NFIC: variants seen among roughly 807,000 people sequenced by gnomAD.
NFIC encodes the protein nuclear factor 1 C-type.
NFIC carries 12 observed loss-of-function variants against 54.4 expected under a neutral mutation model. The ratio of observed to expected loss-of-function variants is 0.22; its 90% CI spans 0.14 to 0.36. NFIC has a LOEUF of 0.36. NFIC is among the 10% of genes least tolerant of loss of function. The pLI, the probability that NFIC is intolerant of heterozygous loss-of-function variation, is 1.00. For synonymous variants in NFIC, 322 were observed against 319.2 expected (o/e 1.01, Z -0.09); for missense variants, 575 against 718.2 (o/e 0.80, Z 2.28).
upstream of NFIC, among the ~76,000 whole-genome samples, chr19:3,362,128 G>A (rs2080819456): frequency 6.6e-6 from 1 of 152,232 alleles, no homozygotes; most frequent in Admixed American, 6.5e-5. Context: ...TGCAGGAGGA[G>A]CAGGGAGGTG....
chr19:3,371,978 T>TCTCTCTCTCC (rs2081024869), intron 1 of NFIC, among the ~76,000 whole-genome samples: 1 of 99,792 alleles, frequency 1.0e-5, no homozygotes, highest in African/African-American at 4.1e-5. Flanking sequence ...CTTCTCTTTC[T>TCTCTCTCTCC]CTCTCTCTCC....
chr19:3,362,733 G>T (rs1157853169), upstream of NFIC, among the ~76,000 whole-genome samples: 2 of 152,110 alleles, frequency 1.3e-5, no homozygotes, highest in Admixed American at 1.3e-4. Context: ...CTGTAAAATG[G>T]GACCACATGG....
In NFIC at chr19:3,458,725, G is replaced by A. The variant is rs1013275233; in HGVS notation, c.1509+2090G>A. Among the ~76,000 whole-genome samples the A allele has an allele frequency of 1.3e-5, 2 of 152,076 alleles. No individual in the cohort carries two copies. The highest frequency in any genetic ancestry group is 4.2e-4 in the South Asian group (2 of 4,812). ...ATGTGAGAGATCTCCGGTGGCAGGG[G>A]CCAGACAGATGATGCGGGCTTTGCT... On this transcript the variant is annotated intron_variant, in intron 10 of 10. Transcript: ENST00000443272. The surrounding 1 kb of genome is among the most constrained non-coding windows in gnomAD (Gnocchi z 4.1).
chr19:3,460,146 T>C (rs1385745797), intron 10 of NFIC, among the ~76,000 whole-genome samples: 1 of 152,032 alleles, frequency 6.6e-6, no homozygotes, highest in African/African-American at 2.4e-5. Context: ...CTCTGGGAGG[T>C]TGAGAGTCAT....
intron 2 of NFIC, among the ~76,000 whole-genome samples, chr19:3,413,534 A>T (rs2081799273): frequency 1.3e-5 from 2 of 151,866 alleles, no homozygotes; most frequent in South Asian, 4.2e-4. Context: ...CGTCCCCCAT[A>T]TGGGGACGGT....
chr19:3,444,108 C>G (rs933023131), intron 6 of NFIC, among the ~76,000 whole-genome samples: 1 of 131,902 alleles, frequency 7.6e-6, no homozygotes, highest in Non-Finnish European at 1.7e-5. Context: ...TTGTCAAATA[C>G]AAAGAGGAGG....
intron 2 of NFIC, among the ~76,000 whole-genome samples, chr19:3,418,153 C>T (rs1419889026): frequency 4.8e-5 from 7 of 146,926 alleles, no homozygotes; most frequent in East Asian, 2.0e-4. Flanking sequence ...AGCTGGAGTG[C>T]GGTGACTCCA....
intron 2 of NFIC, among the ~76,000 whole-genome samples, chr19:3,404,708 G>A (rs1208133596): frequency 1.3e-5 from 2 of 152,214 alleles, no homozygotes; most frequent in African/African-American, 4.8e-5. Context: ...AACAGGGGAA[G>A]GGAGAGGCGA....
At position 3,452,177 on chromosome 19, in the gene NFIC, G is replaced by T. The variant is rs985768566; in HGVS notation, c.1085-305G>T. 4.0e-5 allele frequency among the ~76,000 whole-genome samples: 6 copies of T among 151,734 alleles called. No homozygotes were observed. Among genetic ancestry groups the T allele is most frequent in the South Asian group, 2.1e-4 (1 of 4,816 alleles). On this transcript the variant is annotated intron_variant, in intron 7 of 10. Coordinates refer to ENST00000443272, the MANE Select transcript of NFIC (RefSeq NM_001245002.2). This position sits in a 1 kb window ranked among gnomAD's most constrained non-coding sequence, Gnocchi z 5.3. ...TCCCCGCACTTTGGGAGGCCTAGGA[G>T]GGAGGATCGCTTGAGCCCAGGAGTT...
At chr19:3,364,153 T>G, upstream of NFIC, among the ~76,000 whole-genome samples, 5 of 142,390 alleles carry the variant, frequency 3.5e-5, no homozygotes, top group Admixed American at 7.0e-5. Flanking sequence ...GTAGAGAGAG[T>G]GCTTTGAAAA....
chr19:3,432,855 A>G (rs1362046168), intron 3 of NFIC, among the ~76,000 whole-genome samples: 2 of 150,506 alleles, frequency 1.3e-5, no homozygotes, highest in African/African-American at 2.5e-5. Context: ...TTGTATTTTT[A>G]GGAGACAGGG....
chr19:3,418,501 T>G (rs928119645), intron 2 of NFIC, among the ~76,000 whole-genome samples: 1 of 152,208 alleles, frequency 6.6e-6, no homozygotes, highest in African/African-American at 2.4e-5. Context: ...AGCCAAATGA[T>G]GGAAGAATGG....
chr19:3,382,148 A>G lies in NFIC; in HGVS notation c.467A>G (p.Gln156Arg), dbSNP rs770775012. 1 of 1,613,304 alleles carries G rather than the reference A, an allele frequency of 6.2e-7. No homozygotes were observed. Among genetic ancestry groups the G allele is most frequent in the Non-Finnish European group, 8.5e-7 (1 of 1,179,956 alleles). ...TDGERLVKAA[Q>R]CGHPVLCVQP... is the part of the protein sequence containing the mutation. ...GGCGAGCGCCTGGTCAAGGCTGCGC[A>G]GTGCGGTCACCCGGTCCTGTGCGTG... is the stretch of plus-strand genomic sequence containing the variant. The change falls in exon 2 of 11, where the codon CAG (glutamine) becomes CGG (arginine). Residue 156 changes from glutamine to arginine, a missense_variant. Coordinates refer to ENST00000443272, the MANE Select transcript of NFIC (RefSeq NM_001245002.2).
intron 6 of NFIC, among the ~76,000 whole-genome samples, chr19:3,447,046 CCCAGCA>C (rs2082383160): frequency 6.6e-6 from 1 of 152,160 alleles, no homozygotes; most frequent in Admixed American, 6.5e-5. Flanking sequence ...CGCCTATAAT[CCCAGCA>C]CTTTGGGAGG....
intron 10 of NFIC, among the ~76,000 whole-genome samples, chr19:3,461,194 C>T (rs1426309982): frequency 6.6e-6 from 1 of 150,850 alleles, no homozygotes; most frequent in Non-Finnish European, 1.5e-5. Flanking sequence ...GTCTGTAATC[C>T]TAGCACTTTG....
chr19:3,415,051 G>T (rs1007967315), intron 2 of NFIC, among the ~76,000 whole-genome samples: 1 of 152,014 alleles, frequency 6.6e-6, no homozygotes, highest in Admixed American at 6.6e-5. Context: ...TGTTGGCCAG[G>T]CTGGTCTGGA....
intron 6 of NFIC, among the ~76,000 whole-genome samples, chr19:3,440,743 A>G (rs1457795324): frequency 6.6e-6 from 1 of 150,802 alleles, no homozygotes; most frequent in Admixed American, 6.6e-5. Flanking sequence ...CTGCTCTCGA[A>G]CTCCTGACCT....
rs1445341614 is a variant in NFIC at position 3,453,193 on chromosome 19, T to C, written c.1269+527T>C. Among the ~76,000 whole-genome samples, 1 of 152,120 alleles carries C rather than the reference T, an allele frequency of 6.6e-6. No individual in the cohort carries two copies. The highest frequency in any genetic ancestry group is 1.5e-5 in the Non-Finnish European group (1 of 68,030). On this transcript the variant is annotated intron_variant, in intron 8 of 10. Transcript: ENST00000443272. This position sits in a 1 kb window ranked among gnomAD's most constrained non-coding sequence, Gnocchi z 6.7. ...GGTCGAGGCTGCTGTGAGCTGTGAT[T>C]GTGCCACTGCACCCCAGCCTGGGTG...
chr19:3,390,233 C>T (rs1330429465), intron 2 of NFIC, among the ~76,000 whole-genome samples: 2 of 152,228 alleles, frequency 1.3e-5, no homozygotes, highest in African/African-American at 4.8e-5. Context: ...CTGTTATCCC[C>T]CAGGGCTGGG....
Sources: allele counts gnomAD v4.1 joint callset (sites outside exome capture counted in the v4.1 genomes callset), GRCh38; gene constraint gnomAD v4.1.1; non-coding constraint Gnocchi (gnomAD v3.1); transcripts MANE v1.5; gene names NCBI Gene and HGNC (gene_info 2026-07-23, HGNC 2026-07-21).